The following NPSR1 variants were observed in gnomAD, a reference collection of about 807,000 sequenced individuals.
The protein encoded by NPSR1 is neuropeptide S receptor 1.
NPSR1 carries 48 observed loss-of-function variants against 46.9 expected under a neutral mutation model. That is an observed-to-expected ratio of 1.02 (90% CI 0.81 to 1.30). The LOEUF is 1.30. Among genes scored for constraint, NPSR1 ranks in the 50% most tolerant of loss-of-function variants. NPSR1 has a pLI of 0.00. For missense variants in NPSR1, 450 were observed against 449.5 expected (o/e 1.00, Z -0.01); for synonymous variants, 176 against 168.1 (o/e 1.05, Z -0.36).
intron 2 of NPSR1, among the ~76,000 whole-genome samples, chr7:34,727,147 C>T (rs149345429): frequency 0.011 from 1,728 of 151,918 alleles, 27 homozygotes; most frequent in African/African-American, 0.036. Flanking sequence ...TCTGCACTTA[C>T]TCGATTTTGC....
intron 2 of NPSR1, among the ~76,000 whole-genome samples, chr7:34,769,748 C>T (rs950720767): frequency 6.6e-6 from 1 of 152,206 alleles, no homozygotes; most frequent in African/African-American, 2.4e-5. Flanking sequence ...GAACCCCATT[C>T]ATGTTTACAA....
At chr7:34,807,852 T>C (rs898120927) in intron 3 of NPSR1, among the ~76,000 whole-genome samples, 5 of 152,068 alleles carry the variant, frequency 3.3e-5, no homozygotes, top group African/African-American at 1.2e-4. Flanking sequence ...TATTTGATTA[T>C]CAATTGTGGT....
Position 34,844,991 on chromosome 7 carries a change from T to C in NPSR1, c.844+9T>C. The C allele has an allele frequency of 1.3e-6, 2 of 1,595,814 alleles. No individual in the cohort carries two copies. The highest frequency in any genetic ancestry group is 1.7e-6 in the Non-Finnish European group (2 of 1,163,360). On this transcript the variant is annotated intron_variant, in intron 7 of 8. Coordinates refer to ENST00000360581, the MANE Select transcript of NPSR1 (RefSeq NM_207172.2). ...CATCATCATCATTCTTGGTAAGCAATGTCCCTCCTTGAGCTGTAAAGTGGT... is the reference window on the plus strand; with the variant it reads ...CATCATCATCATTCTTGGTAAGCAACGTCCCTCCTTGAGCTGTAAAGTGGT...
chr7:34,807,545 T>C (rs149598572), intron 3 of NPSR1, among the ~76,000 whole-genome samples: 512 of 152,264 alleles, frequency 3.4e-3, no homozygotes, highest in African/African-American at 0.01. Flanking sequence ...CTAATAGCAA[T>C]GTTGTAATGA....
At chr7:34,809,262 C>G (rs1788864324) in intron 3 of NPSR1, among the ~76,000 whole-genome samples, 1 of 151,912 alleles carries the variant, frequency 6.6e-6, no homozygotes, top group South Asian at 2.1e-4. Flanking sequence ...AGCTAGTCTT[C>G]CATTTTTCTC....
At position 34,672,533 on chromosome 7, in the gene NPSR1, T is replaced by C. The variant is rs1017390214; in HGVS notation, c.148-12019T>C. ...ACGTTTAGGATGTGGGAGATTAACA[T>C]TGTTAATAAAGCATGATCTACGGCC... On this transcript the variant is annotated intron_variant, in intron 1 of 8. Coordinates refer to ENST00000360581, the MANE Select transcript of NPSR1 (RefSeq NM_207172.2). Among the ~76,000 whole-genome samples the C allele has an allele frequency of 1.2e-4, 10 of 80,928 alleles. No individual in the cohort carries two copies. In the East Asian group the frequency reaches 2.9e-3, roughly 23 times the overall value. The allele number at this position is 80,928 out of a possible 152,430, so 53.1% of individuals were successfully genotyped here.
In NPSR1 at chr7:34,737,281, C is replaced by T. The variant is rs186112245; in HGVS notation, c.281-41181C>T. On this transcript the variant is annotated intron_variant, in intron 2 of 8. Coordinates refer to ENST00000360581, the MANE Select transcript of NPSR1 (RefSeq NM_207172.2). ...CGCTCCAAAAATCTTCCCCCAACCC[C>T]GATTAAGTTTTCTCTTTCTGCTGAT... Among the ~76,000 whole-genome samples, 78 of 152,314 alleles carry T rather than the reference C, an allele frequency of 5.1e-4. 3 individuals carry two copies. The East Asian group carries it at 0.013, about 25-fold the overall frequency.
intron 2 of NPSR1, among the ~76,000 whole-genome samples, chr7:34,728,082 T>G (rs1236448719): frequency 1.3e-5 from 2 of 151,954 alleles, no homozygotes; most frequent in African/African-American, 2.4e-5. Context: ...TAAGTTTTTT[T>G]TATTATTATT....
chr7:34,725,034 T>C (rs905633707), intron 2 of NPSR1, among the ~76,000 whole-genome samples: 2 of 151,508 alleles, frequency 1.3e-5, no homozygotes, highest in African/African-American at 4.9e-5. Flanking sequence ...AATTTCTACA[T>C]GGAAAAGGAG....
In NPSR1 at chr7:34,865,052, C is replaced by T. The variant is rs1162831843; in HGVS notation, c.1026-13024C>T. Among the ~76,000 whole-genome samples the T allele has an allele frequency of 1.3e-5, 2 of 151,792 alleles. 1 individual carries two copies. Among genetic ancestry groups the T allele is most frequent in the African/African-American group, 4.9e-5 (2 of 41,078 alleles). ...CTCAAGTGTGTTTCATGCTTTCACA[C>T]CCTCCCCTCATTTGCAAGCTGAATG... is the stretch of plus-strand genomic sequence containing the variant. On this transcript the variant is annotated intron_variant, in intron 8 of 8. Coordinates refer to the NPSR1 transcript ENST00000359791.
chr7:34,872,762 C>T (rs1454557497), intron 8 of NPSR1, among the ~76,000 whole-genome samples: 2 of 151,676 alleles, frequency 1.3e-5, no homozygotes, highest in African/African-American at 4.9e-5. Context: ...ACAAGAACAG[C>T]ACAGGAAATA....
chr7:34,748,450 C>G (rs9986878), intron 2 of NPSR1, among the ~76,000 whole-genome samples: 49,978 of 151,950 alleles, frequency 0.33, 8,513 homozygotes, highest in East Asian at 0.43. Flanking sequence ...AGCCTCAGGA[C>G]GGGGCCAGAG....
chr7:34,699,625 C>T (rs993618613), intron 2 of NPSR1, among the ~76,000 whole-genome samples: 23 of 152,160 alleles, frequency 1.5e-4, no homozygotes, highest in Non-Finnish European at 2.8e-4. Context: ...CTCATGTGGC[C>T]TTTGTGCAAT....
chr7:34,818,720 G>C (rs573420849), intron 4 of NPSR1, among the ~76,000 whole-genome samples: 5 of 152,226 alleles, frequency 3.3e-5, no homozygotes, highest in African/African-American at 1.2e-4. Context: ...CCAAAACAGA[G>C]ATATAGACCA....
chr7:34,848,627 A>C lies in NPSR1; in HGVS notation c.989A>C (p.Tyr330Ser), dbSNP rs774186892. ...AATAGTGCCATCAACCCCCTCATCT[A>C]CTGTGTCTTCAGCAGCTCCATCTCT... is the stretch of plus-strand genomic sequence containing the variant. ...ALNSAINPLI[Y>S]CVFSSSISFP... Residue 330 changes from tyrosine to serine, a missense_variant, in exon 8 of 9, where the codon TAC becomes TCC. Physicochemically the swap from Tyr to Ser is moderately radical, Grantham distance 144 (BLOSUM62 -2). Coordinates refer to ENST00000360581, the MANE Select transcript of NPSR1 (RefSeq NM_207172.2). 2 of 1,613,946 alleles carry C rather than the reference A, an allele frequency of 1.2e-6. No homozygotes were observed. Among genetic ancestry groups the C allele is most frequent in the Non-Finnish European group, 1.7e-6 (2 of 1,180,012 alleles).
intron 2 of NPSR1, among the ~76,000 whole-genome samples, chr7:34,720,401 A>G (rs560562001): frequency 2.0e-5 from 3 of 152,300 alleles, no homozygotes; most frequent in East Asian, 3.9e-4. Flanking sequence ...AGGCAAGCAG[A>G]ATGTGGACTC....
chr7:34,740,681 T>C (rs1334935773), intron 2 of NPSR1, among the ~76,000 whole-genome samples: 2 of 152,184 alleles, frequency 1.3e-5, no homozygotes, highest in Admixed American at 1.3e-4. Flanking sequence ...GGTTACCTAG[T>C]GACGGTGTGT....
chr7:34,663,625 C>T (rs924168099), intron 1 of NPSR1, among the ~76,000 whole-genome samples: 1 of 152,130 alleles, frequency 6.6e-6, no homozygotes, highest in South Asian at 2.1e-4. Context: ...AATCCAATAC[C>T]CTCTTGTCAT....
At position 34,658,483 on chromosome 7, in the gene NPSR1, T is replaced by C. The variant is rs1791291541; in HGVS notation, c.71T>C (p.Val24Ala). 1.2e-6 allele frequency: 2 copies of C among 1,614,118 alleles called. No individual in the cohort carries two copies. The highest frequency in any genetic ancestry group is 1.1e-5 in the South Asian group (1 of 91,080). ...GTGQTLDSSP[V>A]ACTETVTFTE... ...GGGCAGACGCTGGATTCTTCCCCAG[T>C]GGCTTGCACTGAAACAGTGACTTTT... Residue 24 changes from valine to alanine, a missense_variant, in exon 1 of 9, where the codon GTG (valine) becomes GCG (alanine). Coordinates refer to ENST00000360581, the MANE Select transcript of NPSR1 (RefSeq NM_207172.2).
Sources: allele counts gnomAD v4.1 joint callset (sites outside exome capture counted in the v4.1 genomes callset), GRCh38; gene constraint gnomAD v4.1.1; transcripts MANE v1.5; gene names NCBI Gene and HGNC (gene_info 2026-07-23, HGNC 2026-07-21).